Variants in LSAMP observed in about 807,000 individuals in gnomAD.
The protein encoded by LSAMP is limbic system associated membrane protein.
LSAMP carries 7 observed loss-of-function variants against 38.6 expected under a neutral mutation model. That is an observed-to-expected ratio of 0.18 (90% CI 0.10 to 0.34). The LOEUF (loss-of-function observed/expected upper bound fraction) is 0.34, where lower values mean the gene tolerates loss of function less well. Ranked by LOEUF, LSAMP falls within the 10% of genes least tolerant of loss-of-function variation. The probability of loss-of-function intolerance (pLI) is 1.00; values close to 1 mark genes in which losing one functional copy is unlikely to be tolerated. For synonymous variants in LSAMP, 154 were observed against 166.8 expected, an observed-to-expected ratio of 0.92 and a Z score of 0.59; for missense variants, 313 against 420.0, an observed-to-expected ratio of 0.75 and a Z score of 2.23.
chr3:116,275,608 A>T (rs2047040372), intron 1 of LSAMP, among the ~76,000 whole-genome samples: 1 of 152,112 alleles, frequency 6.6e-6, no homozygotes, highest in Non-Finnish European at 1.5e-5. Flanking sequence ...GGTTTCATAG[A>T]CTGCTGCAGA....
At chr3:115,832,053 A>C (rs1035820172) in intron 6 of LSAMP, among the ~76,000 whole-genome samples, 7 of 152,148 alleles carry the variant, frequency 4.6e-5, no homozygotes, top group Admixed American at 4.6e-4. Context: ...GTTTAATCAC[A>C]GCTTGAAGGG....
intron 1 of LSAMP, among the ~76,000 whole-genome samples, chr3:116,198,329 A>C (rs1050240512): frequency 3.3e-5 from 5 of 152,220 alleles, no homozygotes; most frequent in Non-Finnish European, 7.3e-5. Flanking sequence ...GAGAAGAATG[A>C]GAACCTCAAA....
At chr3:116,374,652 A>T (rs2048471268) in intron 1 of LSAMP, among the ~76,000 whole-genome samples, 1 of 151,958 alleles carries the variant, frequency 6.6e-6, no homozygotes, top group African/African-American at 2.4e-5. Context: ...AAAAAATACA[A>T]TAGTGAATAA....
intron 1 of LSAMP, among the ~76,000 whole-genome samples, chr3:116,089,362 T>G (rs1708066812): frequency 6.6e-6 from 1 of 152,142 alleles, no homozygotes. Context: ...TTTTTTTTGT[T>G]TTGTTTTGTT....
intron 1 of LSAMP, among the ~76,000 whole-genome samples, chr3:116,167,249 C>T (rs1039300647): frequency 2.0e-5 from 3 of 152,134 alleles, no homozygotes; most frequent in African/African-American, 4.8e-5. Flanking sequence ...ATCCCCCCTC[C>T]AACCTTCCCA....
intron 1 of LSAMP, among the ~76,000 whole-genome samples, chr3:116,209,702 A>G (rs1257086608): frequency 6.6e-6 from 1 of 152,064 alleles, no homozygotes; most frequent in Non-Finnish European, 1.5e-5. Flanking sequence ...TCTTTAGTCT[A>G]GGGTCTCTGA....
intron 1 of LSAMP, among the ~76,000 whole-genome samples, chr3:116,436,029 T>A (rs1173106820): frequency 6.6e-6 from 1 of 152,194 alleles, no homozygotes; most frequent in African/African-American, 2.4e-5. Flanking sequence ...GAGGAACAAG[T>A]GATCCTTATA....
At chr3:116,367,857 AC>A (rs1454827786) in intron 1 of LSAMP, 3 of 151,954 alleles carry the variant, frequency 2.0e-5, no homozygotes, top group Admixed American at 6.6e-5. Flanking sequence ...CAAAAAAAAA[AC>A]TTTACAAGAA....
intron 1 of LSAMP, among the ~76,000 whole-genome samples, chr3:116,375,519 C>A (rs994528744): frequency 2.0e-5 from 3 of 151,772 alleles, no homozygotes; most frequent in African/African-American, 7.2e-5. Flanking sequence ...TTTTTTCCCA[C>A]AGGATTTTTT....
intron 1 of LSAMP, among the ~76,000 whole-genome samples, chr3:116,211,489 A>G (rs1270347450): frequency 6.6e-6 from 1 of 152,180 alleles, no homozygotes; most frequent in Non-Finnish European, 1.5e-5. Context: ...TAAAAAATTG[A>G]TAAATAATAA....
At chr3:116,166,800 T>G (rs1710063653) in intron 1 of LSAMP, among the ~76,000 whole-genome samples, 1 of 146,908 alleles carries the variant, frequency 6.8e-6, no homozygotes, top group Admixed American at 6.7e-5. Context: ...TTTTTTTTTT[T>G]TTTTGAGACG....
rs555472573 is a variant in LSAMP, at chr3:116,091,644, G to A, written c.156-5088C>T. 2.6e-5 allele frequency among the ~76,000 whole-genome samples: 4 copies of A among 152,154 alleles called. No individual in the cohort carries two copies. The South Asian group carries it at 6.2e-4, about 24-fold the overall frequency. On this transcript the variant is annotated intron_variant, in intron 1 of 6. Coordinates refer to ENST00000490035, the MANE Select transcript of LSAMP (RefSeq NM_002338.5). Reference sequence around the variant, plus strand: ...CTCCGTTTGGGGTCCCTGACTTCCCGCAACAATTTTATCTCTAGAATCAAC... The same window carrying A: ...CTCCGTTTGGGGTCCCTGACTTCCCACAACAATTTTATCTCTAGAATCAAC...
rs148852305 is a variant in LSAMP at position 116,199,966 on chromosome 3, C to T, written c.156-113410G>A. Among the ~76,000 whole-genome samples the T allele has an allele frequency of 1.0e-3, 158 of 152,134 alleles. 4 individuals are homozygous for T. In the South Asian group the frequency reaches 0.026, roughly 25 times the overall value. Reference sequence around the variant, plus strand: ...ACTTAAAAATGCTTGACAAATGATACATATTTGCAGGTGAGGTAAACTGGA... The same window carrying T: ...ACTTAAAAATGCTTGACAAATGATATATATTTGCAGGTGAGGTAAACTGGA... On this transcript the variant is annotated intron_variant, in intron 1 of 6. Coordinates refer to ENST00000490035, the MANE Select transcript of LSAMP (RefSeq NM_002338.5).
At chr3:116,320,356 C>T (rs1333161676) in intron 1 of LSAMP, among the ~76,000 whole-genome samples, 6 of 151,998 alleles carry the variant, frequency 3.9e-5, no homozygotes, top group African/African-American at 2.4e-5. Flanking sequence ...TAGGTTGCAG[C>T]GAGCTGAGAT....
intron 1 of LSAMP, among the ~76,000 whole-genome samples, chr3:116,185,030 C>CTTTCT (rs766737829): frequency 6.6e-4 from 78 of 117,752 alleles, no homozygotes; most frequent in African/African-American, 2.4e-3. Flanking sequence ...TTCTTTCTTT[C>CTTTCT]TTTTTTTTTT....
At chr3:116,330,548 T>TC (rs35136592) in intron 1 of LSAMP, among the ~76,000 whole-genome samples, 183 of 149,504 alleles carry the variant, frequency 1.2e-3, no homozygotes, top group Middle Eastern at 3.5e-3. Flanking sequence ...ACCAGCATGC[T>TC]CCCCCCCCCA....
chr3:116,414,593 A>C (rs2049024027), intron 1 of LSAMP, among the ~76,000 whole-genome samples: 1 of 152,082 alleles, frequency 6.6e-6, no homozygotes, highest in Non-Finnish European at 1.5e-5. Flanking sequence ...GCTAAAACAC[A>C]TCTAACTCAC....
chr3:115,817,203 CCT>C (rs1298498860), intron 6 of LSAMP, among the ~76,000 whole-genome samples: 1 of 152,226 alleles, frequency 6.6e-6, no homozygotes, highest in Non-Finnish European at 1.5e-5. Flanking sequence ...GAAAGGGACT[CCT>C]CTCATCATCT....
chr3:115,934,055 T>C (rs2107545928), intron 3 of LSAMP, among the ~76,000 whole-genome samples: 1 of 152,354 alleles, frequency 6.6e-6, no homozygotes, highest in East Asian at 1.9e-4. Context: ...ATTCTATCAA[T>C]GTGTTTTGAT....
Sources: allele counts gnomAD v4.1 joint callset (sites outside exome capture counted in the v4.1 genomes callset), GRCh38; gene constraint gnomAD v4.1.1; transcripts MANE v1.5; gene names NCBI Gene and HGNC (gene_info 2026-07-23, HGNC 2026-07-21).